PEX14: variants seen among roughly 807,000 people sequenced by gnomAD.
PEX14 encodes peroxisomal biogenesis factor 14.
In PEX14, 15 loss-of-function variants were observed where a neutral mutation model predicts 49.5. That is an observed-to-expected ratio of 0.30 (90% CI 0.20 to 0.47). PEX14 has a LOEUF of 0.47. Ranked by LOEUF, PEX14 falls within the 20% of genes least tolerant of loss-of-function variation. The pLI, the probability that PEX14 is intolerant of heterozygous loss-of-function variation, is 1.00. For missense variants in PEX14, 398 were observed against 494.8 expected (o/e 0.80, Z 1.86); for synonymous variants, 210 against 212.7 (o/e 0.99, Z 0.11).
At chr1:10,492,603 A>G (rs956281329) in intron 1 of PEX14, among the ~76,000 whole-genome samples, 1 of 152,256 alleles carries the variant, frequency 6.6e-6, no homozygotes, top group African/African-American at 2.4e-5. Flanking sequence ...AGCTAAGTGA[A>G]TGTTAGCACT....
intron 4 of PEX14, among the ~76,000 whole-genome samples, chr1:10,599,823 C>G (rs934407869): frequency 5.3e-5 from 8 of 152,168 alleles, no homozygotes; most frequent in Non-Finnish European, 1.0e-4. Flanking sequence ...ATTTCCCTCC[C>G]TCCCTTGTCC....
intron 4 of PEX14, among the ~76,000 whole-genome samples, chr1:10,615,360 G>C (rs756811415): frequency 3.0e-4 from 45 of 152,306 alleles, no homozygotes; most frequent in Middle Eastern, 3.4e-3. Context: ...AAGTAGAAAA[G>C]TGGAGAGCAT....
At chr1:10,581,868 T>A (rs911371462) in intron 3 of PEX14, among the ~76,000 whole-genome samples, 2 of 151,592 alleles carry the variant, frequency 1.3e-5, no homozygotes, top group Admixed American at 1.3e-4. Context: ...TCTAACATTT[T>A]GTAAGACTAT....
intron 1 of PEX14, among the ~76,000 whole-genome samples, chr1:10,493,318 C>T (rs1172449921): frequency 4.6e-5 from 7 of 152,142 alleles, no homozygotes; most frequent in Non-Finnish European, 8.8e-5. Context: ...ATTGGAAGAG[C>T]GCCAGCACTG....
chr1:10,609,692 C>G (rs1641222353), intron 4 of PEX14, among the ~76,000 whole-genome samples: 1 of 152,120 alleles, frequency 6.6e-6, no homozygotes, highest in Admixed American at 6.5e-5. Context: ...CGAGACCAGC[C>G]TGGCCAACAT....
intron 2 of PEX14, among the ~76,000 whole-genome samples, chr1:10,517,297 G>T (rs183663588): frequency 2.0e-5 from 3 of 152,346 alleles, no homozygotes; most frequent in Non-Finnish European, 2.9e-5. Context: ...GGCAGTGGAG[G>T]TGGGGGTGAG....
chr1:10,511,068 C>T (rs897313814), intron 2 of PEX14, among the ~76,000 whole-genome samples: 8 of 144,928 alleles, frequency 5.5e-5, no homozygotes, highest in African/African-American at 2.0e-4. Flanking sequence ...CGATAGGCAT[C>T]GTTAAATGTG....
intron 5 of PEX14, among the ~76,000 whole-genome samples, chr1:10,618,675 G>A (rs1051189658): frequency 1.3e-5 from 2 of 152,254 alleles, no homozygotes; most frequent in Non-Finnish European, 2.9e-5. Context: ...CAGGGGCGTC[G>A]TGAGGTCTGT....
At chr1:10,624,464 T>G in intron 7 of PEX14, 27 bp downstream of exon 7, 38 of 1,439,112 alleles carry the variant, frequency 2.6e-5, no homozygotes, top group Non-Finnish European at 3.2e-5. Context: ...CACAGGGCCC[T>G]CCAGGCCCAG....
Position 10,536,276 on chromosome 1 carries a change from A to G in PEX14, c.148A>G (p.Arg50Gly), listed in dbSNP as rs1638800130. 1 of 1,608,318 alleles carries G rather than the reference A, an allele frequency of 6.2e-7. No individual in the cohort carries two copies. Among genetic ancestry groups the G allele is most frequent in the Non-Finnish European group, 8.5e-7 (1 of 1,174,686 alleles). ...CCGCCAGAGCCCACTTGCAACCAGG[A>G]GAGCATTCCTAAAGAAGAAAGGTAC... ...RVRQSPLATRRAFLKKKGLTD... is the reference protein window; with the variant it reads ...RVRQSPLATRGAFLKKKGLTD... The change falls in exon 3 of 9, where the codon AGA becomes GGA. Residue 50 changes from arginine (R) to glycine (G), a missense_variant. Physicochemically the swap from Arg to Gly is moderately radical, Grantham distance 125 (BLOSUM62 -2). Coordinates refer to ENST00000356607, the MANE Select transcript of PEX14 (RefSeq NM_004565.3).
chr1:10,532,034 A>G (rs1363922471), intron 2 of PEX14, among the ~76,000 whole-genome samples: 1 of 152,240 alleles, frequency 6.6e-6, no homozygotes, highest in Non-Finnish European at 1.5e-5. Flanking sequence ...TTAACAGCAC[A>G]TAGTTCATAG....
intron 3 of PEX14, among the ~76,000 whole-genome samples, chr1:10,549,979 T>TA (rs1370021780): frequency 6.6e-6 from 1 of 152,162 alleles, no homozygotes; most frequent in Non-Finnish European, 1.5e-5. Context: ...ATCCAACAAG[T>TA]ATTTATTGAG....
chr1:10,518,143 C>G (rs186932726), intron 2 of PEX14, among the ~76,000 whole-genome samples: 1 of 151,868 alleles, frequency 6.6e-6, no homozygotes, highest in Non-Finnish European at 1.5e-5. Flanking sequence ...TCGCTCTCCT[C>G]TCCTTAAAAA....
chr1:10,534,665 G>A (rs749028954), intron 2 of PEX14, among the ~76,000 whole-genome samples: 4 of 151,990 alleles, frequency 2.6e-5, no homozygotes, highest in African/African-American at 4.8e-5. Context: ...GGTTCATGAC[G>A]GTGGTTAGTA....
intron 3 of PEX14, among the ~76,000 whole-genome samples, chr1:10,553,594 A>G (rs992128354): frequency 6.6e-6 from 1 of 151,850 alleles, no homozygotes; most frequent in Admixed American, 6.6e-5. Context: ...TTATCTGGAA[A>G]TGATTTCTCA....
At position 10,568,957 on chromosome 1, in the gene PEX14, C is replaced by G. The variant is rs187123460; in HGVS notation, c.170-30281C>G. Among the ~76,000 whole-genome samples, 195 of 152,240 alleles carry G rather than the reference C, an allele frequency of 1.3e-3. 2 individuals carry two copies. The highest frequency in any genetic ancestry group is 7.7e-3 in the South Asian group (37 of 4,818). On this transcript the variant is annotated intron_variant, in intron 3 of 8. Transcript: ENST00000356607. ...GTTTCACCACATTGGCCAGGCTGGT[C>G]TCGAACTCCTGACCTCAAGTGATCT...
In PEX14 at chr1:10,629,715, G is replaced by T; in HGVS notation, c.862G>T (p.Val288Phe). The change falls in exon 9 of 9, where the codon GTC becomes TTC. Residue 288 changes from valine (V) to phenylalanine (F), a missense_variant. Val to Phe is a conservative substitution (Grantham distance 50). Coordinates refer to ENST00000356607, the MANE Select transcript of PEX14 (RefSeq NM_004565.3). This position sits in a 1 kb window ranked among gnomAD's most constrained non-coding sequence, Gnocchi z 8.5. ...KEGHSPEGSTVTYHLLGPQEE... is the reference protein window; with the variant it reads ...KEGHSPEGSTFTYHLLGPQEE... ...GGGCCACAGCCCCGAGGGCTCCACG[G>T]TCACCTACCACTTGCTGGGCCCCCA... 6.2e-7 allele frequency: 1 copy of T among 1,607,508 alleles called. No individual in the cohort carries two copies. Among genetic ancestry groups the T allele is most frequent in the Non-Finnish European group, 8.5e-7 (1 of 1,177,022 alleles).
At chr1:10,617,612 C>T (rs1641463452) in intron 4 of PEX14, among the ~76,000 whole-genome samples, 1 of 152,084 alleles carries the variant, frequency 6.6e-6, no homozygotes, top group African/African-American at 2.4e-5. Flanking sequence ...TGGTCTACAC[C>T]CACCTACCGT....
At chr1:10,585,513 C>A (rs1476308422) in intron 3 of PEX14, among the ~76,000 whole-genome samples, 2 of 152,172 alleles carry the variant, frequency 1.3e-5, no homozygotes, top group Non-Finnish European at 2.9e-5. Context: ...ATCAGACACA[C>A]CTTTAGTATA....
Sources: allele counts gnomAD v4.1 joint callset (sites outside exome capture counted in the v4.1 genomes callset), GRCh38; gene constraint gnomAD v4.1.1; non-coding constraint Gnocchi (gnomAD v3.1); transcripts MANE v1.5; gene names NCBI Gene and HGNC (gene_info 2026-07-23, HGNC 2026-07-21).